The following PCOLCE variants were observed in gnomAD, a reference collection of about 807,000 sequenced individuals.
PCOLCE encodes the protein procollagen C-endopeptidase enhancer 1.
Under a neutral mutation model 47.2 loss-of-function variants are expected in PCOLCE, and 33 were observed. The ratio of observed to expected loss-of-function variants is 0.70; its 90% CI spans 0.53 to 0.93. The LOEUF is 0.93. Ranked by LOEUF, PCOLCE falls within the 40% of genes least tolerant of loss-of-function variation. The pLI is 0.00. For missense variants in PCOLCE, 584 were observed against 585.3 expected, an observed-to-expected ratio of 1.00 and a Z score of 0.02; for synonymous variants, 254 against 252.5, an observed-to-expected ratio of 1.01 and a Z score of -0.06.
chr7:100,603,502 C>T lies in PCOLCE; in HGVS notation c.168C>T (p.Leu56=). 1.2e-6 allele frequency: 2 copies of T among 1,602,626 alleles called. No individual in the cohort carries two copies. The highest frequency in any genetic ancestry group is 1.7e-6 in the Non-Finnish European group (2 of 1,172,692). ...TGGCAAGTGAGGGGTTCCCCAACCTCTACCCCCCTAATAAGGAGTGCATCT... is the reference window on the plus strand; with the variant it reads ...TGGCAAGTGAGGGGTTCCCCAACCTTTACCCCCCTAATAAGGAGTGCATCT... The part of the protein sequence containing the change: ...GYVASEGFPN[L]YPPNKECIWT... Residue 56 remains leucine (L), a synonymous_variant, in exon 2 of 9, where the codon CTC becomes CTT. Coordinates refer to ENST00000223061, the MANE Select transcript of PCOLCE (RefSeq NM_002593.4).
intron 2 of PCOLCE, 75 bp from the exon 3 acceptor site, chr7:100,603,884 G>A: frequency 1.1e-5 from 17 of 1,541,194 alleles, no homozygotes; most frequent in Non-Finnish European, 1.5e-5. Flanking sequence ...AAACGCTTGG[G>A]GCAGGGGAGC....
chr7:100,605,603 C>A lies in PCOLCE; in HGVS notation c.589-73C>A. On this transcript the variant is annotated intron_variant, in intron 4 of 8. Transcript: ENST00000223061. This position sits in a 1 kb window ranked among gnomAD's most constrained non-coding sequence, Gnocchi z 6.1. ...AGGTGGGAGTGGGAGCTGCTGCAGG[C>A]ACCCAGTAGGAGATGAGGTGCAGGC... 4 of 1,510,580 alleles carry A rather than the reference C, an allele frequency of 2.6e-6. No homozygotes were observed. The East Asian group carries it at 9.8e-5, about 37-fold the overall frequency. 93.6% of individuals were successfully genotyped at this position (1,510,580 alleles called of 1,614,324 possible).
In PCOLCE at chr7:100,606,532, G is replaced by C; in HGVS notation, c.842G>C (p.Gly281Ala). The C allele has an allele frequency of 6.2e-7, 1 of 1,614,212 alleles. No homozygotes were observed. Among genetic ancestry groups the C allele is most frequent in the South Asian group, 1.1e-5 (1 of 91,088 alleles). ...KTLPRGTAKE[G>A]QGPGPKRGTE... ...CTGCCGCGGGGCACTGCCAAAGAAG[G>C]GCAAGGGCCCGGCCCCAAACGGGGA... Residue 281 changes from glycine to alanine, a missense_variant, in exon 6 of 9, where the codon GGG becomes GCG. Coordinates refer to ENST00000223061, the MANE Select transcript of PCOLCE (RefSeq NM_002593.4).
In PCOLCE at chr7:100,603,995, GTCT is replaced by G; in HGVS notation, c.244_246del (p.Phe82del). ...CCAGACTGTGTCCCTCTCATTCCGAGTCTTCGACCTGGAGCTGCACCCCGCCTG... is the reference window on the plus strand; with the variant it reads ...CCAGACTGTGTCCCTCTCATTCCGAGTCGACCTGGAGCTGCACCCCGCCTG... On this transcript the variant is annotated inframe_deletion, in exon 3 of 9. Transcript: ENST00000223061. 1 of 1,603,566 alleles carries G rather than the reference GTCT, an allele frequency of 6.2e-7. No individual in the cohort carries two copies. The highest frequency in any genetic ancestry group is 2.2e-5 in the East Asian group (1 of 44,872).
chr7:100,606,183 T>G (rs967346307), intron 5 of PCOLCE: 1 of 546,312 alleles, frequency 1.8e-6, no homozygotes, highest in African/African-American at 1.9e-5. Context: ...ACAAAATAAT[T>G]AGCTGGGCAT....
Position 100,604,500 on chromosome 7 carries a change from A to G in PCOLCE, c.463+283A>G. ...GAATGGGCGGCCTGGGGTTACTGGG[A>G]CGGTGAGTAACTGCCGGCCCCCGTC... On this transcript the variant is annotated intron_variant, in intron 3 of 8. Transcript: ENST00000223061. This position sits in a 1 kb window ranked among gnomAD's most constrained non-coding sequence, Gnocchi z 6.4. The G allele has an allele frequency of 1.9e-6, 1 of 532,220 alleles. No individual in the cohort carries two copies. Among genetic ancestry groups the G allele is most frequent in the Non-Finnish European group, 3.4e-6 (1 of 294,684 alleles). The allele number at this position is 532,220 out of a possible 1,614,324, so 33.0% of individuals were successfully genotyped here. A position where few individuals can be genotyped will look rare whatever the true frequency, so the allele number is the denominator to read the frequency against.
At position 100,608,006 on chromosome 7, in the gene PCOLCE, T is replaced by G; in HGVS notation, c.1253T>G (p.Val418Gly). The change falls in exon 9 of 9, where the codon GTG (valine) becomes GGG (glycine). Residue 418 changes from valine (V) to glycine (G), a missense_variant. By Grantham distance (109) the Val-to-Gly change is moderately radical. Transcript: ENST00000223061. The stretch of plus-strand genomic sequence containing the variant: ...CCCGTCCTTCCTCCAGAGAGCTTTG[T>G]GGTTCTCCACCGGCCCAACCAGGAC... ...RGPVLPPESF[V>G]VLHRPNQDQI... 4 of 1,614,152 alleles carry G rather than the reference T, an allele frequency of 2.5e-6. No individual in the cohort carries two copies. Among genetic ancestry groups the G allele is most frequent in the Non-Finnish European group, 3.4e-6 (4 of 1,180,020 alleles).
chr7:100,605,527 C>A lies in PCOLCE; in HGVS notation c.589-149C>A. On this transcript the variant is annotated intron_variant, in intron 4 of 8. Coordinates refer to ENST00000223061, the MANE Select transcript of PCOLCE (RefSeq NM_002593.4). This position sits in a 1 kb window ranked among gnomAD's most constrained non-coding sequence, Gnocchi z 6.1. Reference sequence around the variant, plus strand: ...CAGGGTCCCATGGGTGTGTGTGGTCCTCCGTGCTGTGGTGTGAACGCCTTC... The same window carrying A: ...CAGGGTCCCATGGGTGTGTGTGGTCATCCGTGCTGTGGTGTGAACGCCTTC... 1.1e-6 allele frequency: 1 copy of A among 949,940 alleles called. No homozygotes were observed. The highest frequency in any genetic ancestry group is 1.6e-6 in the Non-Finnish European group (1 of 642,246). The allele number at this position is 949,940 out of a possible 1,614,324, so 58.8% of individuals were successfully genotyped here.
In PCOLCE at chr7:100,602,468, A is replaced by G; in HGVS notation, c.12A>G (p.Ala4=). 6 of 1,611,824 alleles carry G rather than the reference A, an allele frequency of 3.7e-6. No homozygotes were observed. Among genetic ancestry groups the G allele is most frequent in the Non-Finnish European group, 5.1e-6 (6 of 1,179,208 alleles). The change falls in exon 1 of 9, where the codon GCA becomes GCG. Residue 4 remains alanine, a synonymous_variant. Transcript: ENST00000223061. Reference sequence around the variant, plus strand: ...TTTCCCCCGGGGCCATGCTGCCTGCAGCCACAGCCTCCCTCCTGGGGCCCC... The same window carrying G: ...TTTCCCCCGGGGCCATGCTGCCTGCGGCCACAGCCTCCCTCCTGGGGCCCC... The part of the protein sequence containing the change: MLP[A]ATASLLGPLL...
intron 2 of PCOLCE, 105 bp downstream of exon 2, chr7:100,603,643 C>T (rs546699765): frequency 1.7e-6 from 1 of 588,850 alleles, no homozygotes; most frequent in East Asian, 3.1e-5. Flanking sequence ...CCTTCTCAAC[C>T]TGGGGCAGCT....
chr7:100,606,756 T>G, intron 6 of PCOLCE, 126 bp downstream of exon 6: 1 of 702,454 alleles, frequency 1.4e-6, no homozygotes, highest in Non-Finnish European at 2.4e-6. Flanking sequence ...CAGGATCGCT[T>G]AAGCCTAGGA....
Position 100,602,485 on chromosome 7 carries a change from TG to T in PCOLCE, c.33del (p.Leu13SerfsTer29). ...CTGCCTGCAGCCACAGCCTCCCTCCTGGGGCCCCTCCTCACTGCCTGCGCCC... is the reference window on the plus strand; with the variant it reads ...CTGCCTGCAGCCACAGCCTCCCTCCTGGGCCCCTCCTCACTGCCTGCGCCC... MLPAATASLLGPLLTACALL... is the reference protein window; with the variant it reads MLPAATASLXGPLLTACALL... On this transcript the variant is annotated frameshift_variant, in exon 1 of 9. Transcript: ENST00000223061. LOFTEE classifies it high-confidence loss of function. 6.2e-7 allele frequency: 1 copy of T among 1,612,882 alleles called. No homozygotes were observed.
In PCOLCE at chr7:100,605,532, T is replaced by C; in HGVS notation, c.589-144T>C. On this transcript the variant is annotated intron_variant, in intron 4 of 8. Coordinates refer to ENST00000223061, the MANE Select transcript of PCOLCE (RefSeq NM_002593.4). The surrounding 1 kb of genome is among the most constrained non-coding windows in gnomAD (Gnocchi z 6.1). ...TCCCATGGGTGTGTGTGGTCCTCCG[T>C]GCTGTGGTGTGAACGCCTTCAGGAG... The C allele has an allele frequency of 4.1e-6, 4 of 979,800 alleles. No individual in the cohort carries two copies. The highest frequency in any genetic ancestry group is 3.3e-4 in the Middle Eastern group (1 of 3,054). The allele number at this position is 979,800 out of a possible 1,614,324, so 60.7% of individuals were successfully genotyped here.
rs921526239 is a variant in PCOLCE, at chr7:100,604,870, C to T, written c.464-221C>T. The T allele has an allele frequency of 5.7e-6, 3 of 522,530 alleles. No homozygotes were observed. The highest frequency in any genetic ancestry group is 3.9e-5 in the African/African-American group (2 of 51,306). 32.4% of individuals were successfully genotyped at this position (522,530 alleles called of 1,614,324 possible). On this transcript the variant is annotated intron_variant, in intron 3 of 8. Coordinates refer to ENST00000223061, the MANE Select transcript of PCOLCE (RefSeq NM_002593.4). This position sits in a 1 kb window ranked among gnomAD's most constrained non-coding sequence, Gnocchi z 6.4. ...CAGCCAGTTCCTCCTCCCGCTTCCA[C>T]CGCCCGCCAGTGCGCCCTGCGGCCC... is the stretch of plus-strand genomic sequence containing the variant.
chr7:100,604,151 AC>A lies in PCOLCE; in HGVS notation c.398del (p.Thr133ArgfsTer38). Reference protein sequence around the residue: ...PGNQVTLRMTTDEGTGGRGFL... With the variant: ...PGNQVTLRMTXDEGTGGRGFL... ...CAACCAGGTGACCCTGAGGATGACG[AC>A]GGATGAGGGCACAGGAGGACGAGGC... On this transcript the variant is annotated frameshift_variant, in exon 3 of 9. Transcript: ENST00000223061. LOFTEE classifies it high-confidence loss of function. This position sits in a 1 kb window ranked among gnomAD's most constrained non-coding sequence, Gnocchi z 6.4. 1 of 1,613,218 alleles carries A rather than the reference AC, an allele frequency of 6.2e-7. No homozygotes were observed. Among genetic ancestry groups the A allele is most frequent in the South Asian group, 1.1e-5 (1 of 91,080 alleles).
At chr7:100,607,847 G>A (rs747972425) in intron 8 of PCOLCE, 40 bp downstream of exon 8, 13 of 1,613,498 alleles carry the variant, frequency 8.1e-6, no homozygotes, top group Non-Finnish European at 1.0e-5. Context: ...GTCAAGCTAA[G>A]CCACACAGAA....
In PCOLCE at chr7:100,604,121, C is replaced by T. The variant is rs1429371649; in HGVS notation, c.367C>T (p.Pro123Ser). The stretch of plus-strand genomic sequence containing the variant: ...CTTCCGGCCTGCGCCCCTAGTCGCC[C>T]CCGGCAACCAGGTGACCCTGAGGAT... ...GTFRPAPLVA[P>S]GNQVTLRMTT... Residue 123 changes from proline to serine, a missense_variant, in exon 3 of 9, where the codon CCC (proline) becomes TCC (serine). Pro to Ser is a moderately conservative substitution (Grantham distance 74). Coordinates refer to ENST00000223061, the MANE Select transcript of PCOLCE (RefSeq NM_002593.4). This position sits in a 1 kb window ranked among gnomAD's most constrained non-coding sequence, Gnocchi z 6.4. 6 of 1,612,244 alleles carry T rather than the reference C, an allele frequency of 3.7e-6. No individual in the cohort carries two copies. The African/African-American group carries it at 6.7e-5, about 18-fold the overall frequency.
At chr7:100,603,701 C>T in intron 2 of PCOLCE, 163 bp downstream of exon 2, 1 of 601,532 alleles carries the variant, frequency 1.7e-6, no homozygotes, top group Non-Finnish European at 3.0e-6. Flanking sequence ...CACCGTAACA[C>T]GCATCATCTT....
rs765022713 is a variant in PCOLCE at position 100,607,797 on chromosome 7, C to T, written c.1173C>T (p.Pro391=). The change falls in exon 8 of 9, where the codon CCC becomes CCT. Residue 391 remains proline (P), a synonymous_variant. Transcript: ENST00000223061. ...ACGTGCCTTGCAAGCAGTGCCCCCC[C>T]ATGAAGAAAGGTAACAGAGATGTGG... ...KFYVPCKQCP[P]MKKGVSYLLM... The T allele has an allele frequency of 6.2e-7, 1 of 1,614,138 alleles. No individual in the cohort carries two copies. Among genetic ancestry groups the T allele is most frequent in the Admixed American group, 1.7e-5 (1 of 60,006 alleles).
Sources: gnomAD v4.1 joint callset for allele counts on GRCh38, gnomAD v4.1.1 for gene constraint, Gnocchi (gnomAD v3.1) non-coding constraint, MANE v1.5 for transcripts, NCBI Gene and HGNC (gene_info 2026-07-23, HGNC 2026-07-21) for gene names.